The following LIMCH1 variants were observed in gnomAD, a reference collection of about 807,000 sequenced individuals.
LIMCH1 encodes LIM and calponin homology domains 1, also known as LIM and calponin homology domains-containing protein 1.
Under a neutral mutation model 176.5 loss-of-function variants are expected in LIMCH1, and 113 were observed. The observed-to-expected ratio is 0.64, with a 90% CI of 0.55 to 0.75. The LOEUF (loss-of-function observed/expected upper bound fraction) is 0.75. Ranked by LOEUF, LIMCH1 falls within the 30% of genes least tolerant of loss-of-function variation. The pLI is 0.00. For missense variants in LIMCH1, 1,674 were observed against 1,814.9 expected (o/e 0.92, Z 1.41); for synonymous variants, 619 against 645.9 (o/e 0.96, Z 0.63).
intron 1 of LIMCH1, among the ~76,000 whole-genome samples, chr4:41,416,880 G>C (rs2059985431): frequency 2.0e-5 from 3 of 152,106 alleles, no homozygotes; most frequent in African/African-American, 7.2e-5. Flanking sequence ...TTCTCAGAAA[G>C]AAATAGGGAC....
intron 2 of LIMCH1, among the ~76,000 whole-genome samples, chr4:41,496,419 G>A (rs2072150548): frequency 6.6e-6 from 1 of 152,178 alleles, no homozygotes; most frequent in Non-Finnish European, 1.5e-5. Flanking sequence ...TTGCTAAAGT[G>A]GAATGAACCA....
intron 1 of LIMCH1, among the ~76,000 whole-genome samples, chr4:41,396,138 A>C (rs1253706871): frequency 1.3e-5 from 2 of 152,088 alleles, no homozygotes; most frequent in African/African-American, 2.4e-5. Context: ...GATCTGTAGG[A>C]TCTCATAGCC....
intron 1 of LIMCH1, among the ~76,000 whole-genome samples, chr4:41,391,786 G>C (rs1433254677): frequency 6.6e-6 from 1 of 152,052 alleles, no homozygotes; most frequent in African/African-American, 2.4e-5. Context: ...GAGACTAAGG[G>C]GTCATGATAA....
At chr4:41,663,745 T>A (rs1035569022) in intron 20 of LIMCH1, among the ~76,000 whole-genome samples, 11 of 148,488 alleles carry the variant, frequency 7.4e-5, no homozygotes, top group Non-Finnish European at 1.5e-4. Flanking sequence ...TAGCTGGGTG[T>A]GGTGGCTCAC....
intron 1 of LIMCH1, among the ~76,000 whole-genome samples, chr4:41,581,497 T>G (rs2085426966): frequency 6.6e-6 from 1 of 152,002 alleles, no homozygotes; most frequent in African/African-American, 2.4e-5. Context: ...CTTCTGTGAG[T>G]TCAGTGACTT....
At chr4:41,615,714 A>T (rs61323415) in intron 5 of LIMCH1, among the ~76,000 whole-genome samples, 6,570 of 152,250 alleles carry the variant, frequency 0.043, 448 homozygotes, top group African/African-American at 0.15. Context: ...AGTCCTAATA[A>T]ACACTTCCAA....
At chr4:41,491,776 G>A (rs2154173893) in intron 1 of LIMCH1, among the ~76,000 whole-genome samples, 2 of 149,406 alleles carry the variant, frequency 1.3e-5, no homozygotes, top group South Asian at 4.3e-4. Context: ...GGGGCAGCCG[G>A]GCAGAGGCGC....
chr4:41,490,377 T>C (rs544006844), intron 1 of LIMCH1, among the ~76,000 whole-genome samples: 64 of 151,716 alleles, frequency 4.2e-4, no homozygotes, highest in Non-Finnish European at 7.1e-4. Context: ...GGTCAGCAGA[T>C]AAACATGAGA....
intron 1 of LIMCH1, among the ~76,000 whole-genome samples, chr4:41,558,731 C>G (rs1486940599): frequency 6.6e-6 from 1 of 152,126 alleles, no homozygotes; most frequent in Non-Finnish European, 1.5e-5. Context: ...TGTATTTCCA[C>G]CTTGGTACAG....
chr4:41,448,332 TAG>T (rs1293067324), intron 1 of LIMCH1, among the ~76,000 whole-genome samples: 3 of 152,304 alleles, frequency 2.0e-5, no homozygotes, highest in Admixed American at 2.0e-4. Flanking sequence ...TGGTTGAGGC[TAG>T]GGTGATGTCT....
At chr4:41,486,977 TACAC>T (rs71927545) in intron 1 of LIMCH1, among the ~76,000 whole-genome samples, 114 of 138,508 alleles carry the variant, frequency 8.2e-4, no homozygotes, top group Admixed American at 3.9e-3. Context: ...CACACATACA[TACAC>T]ACACACACAC....
intron 21 of LIMCH1, among the ~76,000 whole-genome samples, chr4:41,668,853 C>T (rs1422971331): frequency 6.6e-6 from 1 of 152,058 alleles, no homozygotes; most frequent in African/African-American, 2.4e-5. Flanking sequence ...TACATGGTGG[C>T]CAGCAAAGAG....
intron 2 of LIMCH1, among the ~76,000 whole-genome samples, chr4:41,507,540 T>C (rs894874689): frequency 2.0e-4 from 31 of 152,222 alleles, no homozygotes; most frequent in African/African-American, 7.2e-4. Context: ...AGTAAAAAAA[T>C]GCACCTAGCA....
intron 1 of LIMCH1, among the ~76,000 whole-genome samples, chr4:41,463,501 A>G (rs578197193): frequency 6.6e-6 from 1 of 152,032 alleles, no homozygotes; most frequent in South Asian, 2.1e-4. Context: ...CCAGTTAGAA[A>G]TCTATCATGA....
intron 1 of LIMCH1, among the ~76,000 whole-genome samples, chr4:41,566,298 G>A (rs2082764353): frequency 6.6e-6 from 1 of 152,104 alleles, no homozygotes; most frequent in Non-Finnish European, 1.5e-5. Flanking sequence ...TTTCCAGAAG[G>A]TCTTCAATTT....
At chr4:41,644,729 G>C in intron 15 of LIMCH1, 103 bp downstream of exon 15, 1 of 1,389,584 alleles carries the variant, frequency 7.2e-7, no homozygotes, top group African/African-American at 1.5e-5. Context: ...GGGAAAGGGA[G>C]CCCCTAGAGG....
At chr4:41,528,640 A>G (rs907492515) in intron 3 of LIMCH1, among the ~76,000 whole-genome samples, 13 of 152,202 alleles carry the variant, frequency 8.5e-5, no homozygotes, top group Non-Finnish European at 1.3e-4. Flanking sequence ...CAAGAAGTCC[A>G]TAGTAGCAGG....
Position 41,631,264 on chromosome 4 carries a change from G to A in LIMCH1, c.1388G>A (p.Ser463Asn), listed in dbSNP as rs1233374272. The change falls in exon 10 of 32, where the codon AGC becomes AAC. Residue 463 changes from serine (S) to asparagine (N), a missense_variant. Ser to Asn is a conservative substitution (Grantham distance 46). This residue lies in a region of LIMCH1 where 655 missense variants were observed against 692.2 expected (regional missense o/e 0.95). Coordinates refer to ENST00000503057, the MANE Select transcript of LIMCH1 (RefSeq NM_001330672.2). ...GCAAGGGCCTCTAAGAAAGCTTCCA[G>A]CCCCAGGCAAAAGTTTGTGCACTTT... is the stretch of plus-strand genomic sequence containing the variant. Reference protein sequence around the residue: ...RKARASKKASSPRQKFVHFGP... With the variant: ...RKARASKKASNPRQKFVHFGP... 2 of 1,536,084 alleles carry A rather than the reference G, an allele frequency of 1.3e-6. No individual in the cohort carries two copies. Among genetic ancestry groups the A allele is most frequent in the African/African-American group, 2.7e-5 (2 of 73,138 alleles).
intron 1 of LIMCH1, among the ~76,000 whole-genome samples, chr4:41,443,962 G>C (rs1390432892): frequency 6.6e-6 from 1 of 152,198 alleles, no homozygotes; most frequent in Non-Finnish European, 1.5e-5. Context: ...AAGCTGGCTA[G>C]ATTTAAATAA....
Sources: gnomAD v4.1 joint callset for allele counts (sites outside exome capture counted in the v4.1 genomes callset) on GRCh38, gnomAD v4.1.1 for gene constraint, gnomAD v4.1.1 regional missense constraint, MANE v1.5 for transcripts, NCBI Gene and HGNC (gene_info 2026-07-23, HGNC 2026-07-21) for gene names.